The following FEZ2 variants were observed in gnomAD, a reference collection of about 807,000 sequenced individuals.
FEZ2 encodes fasciculation and elongation protein zeta 2.
In FEZ2, 51 loss-of-function variants were observed where a neutral mutation model predicts 40.4. The observed-to-expected ratio is 1.26, with a 90% CI of 1.01 to 1.59. The LOEUF is 1.59. FEZ2 is among the 40% of genes most tolerant of loss of function. The probability of loss-of-function intolerance (pLI) is 0.00; values close to 1 mark genes in which losing one functional copy is unlikely to be tolerated. For synonymous variants in FEZ2, 242 were observed against 172.0 expected, an observed-to-expected ratio of 1.41 and a Z score of -3.18; for missense variants, 640 against 438.3, an observed-to-expected ratio of 1.46 and a Z score of -4.11.
chr2:36,573,314 C>T (rs1668468719), intron 5 of FEZ2, among the ~76,000 whole-genome samples: 1 of 152,088 alleles, frequency 6.6e-6, no homozygotes, highest in South Asian at 2.1e-4. Context: ...GGCCATAATG[C>T]CCAGACAACT....
intron 4 of FEZ2, chr2:36,579,089 T>C: frequency 2.2e-6 from 1 of 463,646 alleles, no homozygotes; most frequent in Non-Finnish European, 3.8e-6. Context: ...GAGTCACTTC[T>C]CAGCTTGCTG....
intron 6 of FEZ2, chr2:36,557,909 T>C (rs1667996255): frequency 6.6e-6 from 1 of 152,186 alleles, no homozygotes. Context: ...CACTAAAGTA[T>C]CCCAAGTGCC....
At chr2:36,574,290 T>C (rs778642007) in intron 5 of FEZ2, among the ~76,000 whole-genome samples, 3 of 152,212 alleles carry the variant, frequency 2.0e-5, no homozygotes, top group Non-Finnish European at 4.4e-5. Flanking sequence ...TCTTAGACAA[T>C]ATTCACTGTC....
At chr2:36,597,733 G>A (rs1040854423) in intron 1 of FEZ2, 144 bp downstream of exon 1, 11 of 585,018 alleles carry the variant, frequency 1.9e-5, no homozygotes, top group Non-Finnish European at 2.8e-5. Flanking sequence ...CGAGGCCGAC[G>A]GCCGGAGGAA....
intron 1 of FEZ2, among the ~76,000 whole-genome samples, chr2:36,593,801 C>T (rs1042765596): frequency 5.3e-5 from 8 of 151,576 alleles, no homozygotes; most frequent in Admixed American, 2.0e-4. Flanking sequence ...TTGCTACTTA[C>T]GCAAATTTCT....
intron 2 of FEZ2, among the ~76,000 whole-genome samples, chr2:36,587,298 T>C (rs1234342496): frequency 6.6e-6 from 1 of 152,224 alleles, no homozygotes; most frequent in Non-Finnish European, 1.5e-5. Context: ...AGAGCTGGAA[T>C]ATCTTTCAGG....
chr2:36,558,546 A>G (rs1355667742), intron 5 of FEZ2, 33 bp from the exon 6 acceptor site: 1 of 1,347,682 alleles, frequency 7.4e-7, no homozygotes, highest in Non-Finnish European at 1.0e-6. Flanking sequence ...GTGTCACTTA[A>G]ATCGGAATTA....
chr2:36,590,827 A>T, intron 2 of FEZ2, 76 bp downstream of exon 2: 1 of 882,118 alleles, frequency 1.1e-6, no homozygotes, highest in Non-Finnish European at 1.9e-6. Context: ...AATCTGTGTT[A>T]AGCAGAAATG....
At chr2:36,568,995 A>G (rs1351059288) in intron 5 of FEZ2, among the ~76,000 whole-genome samples, 2 of 152,216 alleles carry the variant, frequency 1.3e-5, no homozygotes, top group Non-Finnish European at 2.9e-5. Flanking sequence ...TGCAAAGCTC[A>G]GAAAACGAAA....
chr2:36,587,658 CA>C (rs35567772), intron 2 of FEZ2, among the ~76,000 whole-genome samples: 10 of 151,788 alleles, frequency 6.6e-5, no homozygotes, highest in African/African-American at 1.9e-4. Context: ...CTTCTTTTGT[CA>C]AAAAAAATTT....
chr2:36,576,378 T>C (rs1441789751), intron 5 of FEZ2, among the ~76,000 whole-genome samples: 2 of 152,144 alleles, frequency 1.3e-5, no homozygotes, highest in Admixed American at 1.3e-4. Flanking sequence ...CAAGCGATTC[T>C]CATGCCTCAG....
At chr2:36,586,400 T>C (rs1211956676) in intron 2 of FEZ2, among the ~76,000 whole-genome samples, 2 of 152,106 alleles carry the variant, frequency 1.3e-5, no homozygotes, top group Non-Finnish European at 2.9e-5. Flanking sequence ...TTTGGGAGGC[T>C]GAGGCGGGTG....
chr2:36,554,311 C>G (rs1299484677), intron 7 of FEZ2: 2 of 471,022 alleles, frequency 4.2e-6, no homozygotes, highest in African/African-American at 4.0e-5. Context: ...CCAGAGGACT[C>G]TGTTCTTTGG....
chr2:36,596,099 C>G (rs142311467), intron 1 of FEZ2, among the ~76,000 whole-genome samples: 25 of 152,236 alleles, frequency 1.6e-4, no homozygotes, highest in East Asian at 1.4e-3. Flanking sequence ...AACAGGCTTC[C>G]AAAAATGTCA....
At chr2:36,580,536 A>T (rs1668707347) in intron 4 of FEZ2, among the ~76,000 whole-genome samples, 1 of 152,212 alleles carries the variant, frequency 6.6e-6, no homozygotes, top group Non-Finnish European at 1.5e-5. Context: ...TTTTCATGAA[A>T]ATCAACTGTA....
chr2:36,583,798 C>T (rs1248155267), intron 2 of FEZ2, among the ~76,000 whole-genome samples: 1 of 152,170 alleles, frequency 6.6e-6, no homozygotes, highest in South Asian at 2.1e-4. Context: ...GGGTTAGCAA[C>T]ACACACTAAG....
rs138191539 is a variant in FEZ2, at chr2:36,554,614, T to A, written c.1045+1069A>T. ...AAAGTCCTCCATCAGAAAAAAAGCT[T>A]ATTTTTTAAAATGATGTCAACTCAG... is the stretch of plus-strand genomic sequence containing the variant. On this transcript the variant is annotated intron_variant, in intron 7 of 7. Coordinates refer to ENST00000405912, the MANE Select transcript of FEZ2 (RefSeq NM_005102.3). Among the ~76,000 whole-genome samples, 508 of 152,282 alleles carry A rather than the reference T, an allele frequency of 3.3e-3. 9 individuals are homozygous for A. Among genetic ancestry groups the A allele is most frequent in the African/African-American group, 0.012 (480 of 41,552 alleles).
intron 5 of FEZ2, among the ~76,000 whole-genome samples, chr2:36,562,244 T>A (rs1377239261): frequency 6.6e-6 from 1 of 152,250 alleles, no homozygotes; most frequent in African/African-American, 2.4e-5. Context: ...TTTGGTATTT[T>A]TCATGAATTT....
At chr2:36,585,571 C>A (rs1173081716) in intron 2 of FEZ2, among the ~76,000 whole-genome samples, 7 of 152,170 alleles carry the variant, frequency 4.6e-5, no homozygotes, top group African/African-American at 7.2e-5. Context: ...AAAATGAGTT[C>A]TACGGCTCTA....
Sources: allele counts gnomAD v4.1 joint callset (sites outside exome capture counted in the v4.1 genomes callset), GRCh38; gene constraint gnomAD v4.1.1; transcripts MANE v1.5; gene names NCBI Gene and HGNC (gene_info 2026-07-23, HGNC 2026-07-21).